KANSL1L: variants seen among roughly 807,000 people sequenced by gnomAD.
KANSL1L encodes KAT8 regulatory NSL complex subunit 1-like protein.
A neutral mutation model predicts 108.6 loss-of-function variants in KANSL1L; 25 were observed. That is an observed-to-expected ratio of 0.23 (90% confidence interval 0.17 to 0.32). The LOEUF (loss-of-function observed/expected upper bound fraction) is 0.32. Ranked by LOEUF, KANSL1L falls within the 10% of genes least tolerant of loss-of-function variation. The probability of loss-of-function intolerance (pLI) is 1.00; values close to 1 mark genes in which losing one functional copy is unlikely to be tolerated. For synonymous variants in KANSL1L, 405 were observed against 395.1 expected, an observed-to-expected ratio of 1.03 and a Z score of -0.30; for missense variants, 1,137 against 1,125.7, an observed-to-expected ratio of 1.01 and a Z score of -0.14.
At chr2:210,062,143 G>A (rs763822781) in intron 6 of KANSL1L, among the ~76,000 whole-genome samples, 3 of 152,106 alleles carry the variant, frequency 2.0e-5, no homozygotes, top group Non-Finnish European at 4.4e-5. Context: ...AGATGTAATC[G>A]AATCATGGGG....
intron 2 of KANSL1L, among the ~76,000 whole-genome samples, chr2:210,134,384 G>A (rs569734317): frequency 3.3e-5 from 5 of 151,884 alleles, no homozygotes; most frequent in East Asian, 1.9e-4. Flanking sequence ...ATTTTTCTCC[G>A]CTTCTTTGCA....
intron 5 of KANSL1L, among the ~76,000 whole-genome samples, chr2:210,077,912 ATCTTTGT>A (rs2094553602): frequency 6.6e-6 from 1 of 152,236 alleles, no homozygotes; most frequent in East Asian, 1.9e-4. Context: ...TGGAAAGCTT[ATCTTTGT>A]GTCACTAAAT....
At chr2:210,158,871 T>C (rs535751963) in intron 1 of KANSL1L, among the ~76,000 whole-genome samples, 2 of 152,332 alleles carry the variant, frequency 1.3e-5, no homozygotes, top group African/African-American at 2.4e-5. Context: ...TCTAGATATA[T>C]AATCATTTTA....
At chr2:210,027,145 C>G in intron 12 of KANSL1L, 151 bp downstream of exon 12, 1 of 553,762 alleles carries the variant, frequency 1.8e-6, no homozygotes, top group East Asian at 2.9e-5. Flanking sequence ...TTCGAATATT[C>G]TTTTAAAAGA....
Position 210,028,779 on chromosome 2 carries a change from C to T in KANSL1L, c.2396+66G>A, listed in dbSNP as rs539914365. ...GCTCCTTTCATTAATTAAAATTCTT[C>T]ACTTTGAAAATTTAAGTTTATTAGG... On this transcript the variant is annotated intron_variant, in intron 11 of 14. Transcript: ENST00000281772. 5.3e-4 allele frequency: 629 copies of T among 1,189,330 alleles called. 7 individuals are homozygous for T. The South Asian group carries it at 6.4e-3, about 12-fold the overall frequency. 73.7% of individuals were successfully genotyped at this position (1,189,330 alleles called of 1,614,324 possible).
chr2:210,155,259 A>C (rs1477366624), intron 1 of KANSL1L: 1 of 152,134 alleles, frequency 6.6e-6, no homozygotes, highest in Non-Finnish European at 1.5e-5. Flanking sequence ...TAAAAATATA[A>C]AAATTAGCCG....
At chr2:210,050,490 C>A (rs566480644) in intron 6 of KANSL1L, among the ~76,000 whole-genome samples, 3 of 152,032 alleles carry the variant, frequency 2.0e-5, no homozygotes, top group Non-Finnish European at 2.9e-5. Flanking sequence ...AAGCACTAGT[C>A]GTTAGATTGC....
chr2:210,056,188 G>T (rs2094348660), intron 6 of KANSL1L, among the ~76,000 whole-genome samples: 1 of 152,214 alleles, frequency 6.6e-6, no homozygotes, highest in Admixed American at 6.5e-5. Context: ...CAGCTTACGT[G>T]TGGTGTTGAG....
In KANSL1L at chr2:210,131,330, T is replaced by C. The variant is rs372631017; in HGVS notation, c.1089-2158A>G. 1.6e-3 allele frequency among the ~76,000 whole-genome samples: 250 copies of C among 152,244 alleles called. 12 individuals are homozygous for C. The South Asian group carries it at 0.05, about 30-fold the overall frequency. On this transcript the variant is annotated intron_variant, in intron 2 of 14. Transcript: ENST00000281772. ...AGACAAAGATATGTAGATAAAAGAA[T>C]GGATTCAAGGTTCATTTTAAAGTTG... is the stretch of plus-strand genomic sequence containing the variant.
At chr2:210,090,340 G>A (rs1043435119) in intron 5 of KANSL1L, among the ~76,000 whole-genome samples, 1 of 151,974 alleles carries the variant, frequency 6.6e-6, no homozygotes, top group African/African-American at 2.4e-5. Context: ...CATTTTAACA[G>A]GCCCAACATT....
Position 210,171,295 on chromosome 2 carries a change from G to GGCCGCCGCCGCC in KANSL1L, c.-188_-177dup, listed in dbSNP as rs66917529. 7.1e-5 allele frequency: 12 copies of GGCCGCCGCCGCC among 168,162 alleles called. No individual in the cohort carries two copies. The highest frequency in any genetic ancestry group is 3.5e-4 in the South Asian group (2 of 5,664). 10.4% of individuals were successfully genotyped at this position (168,162 alleles called of 1,614,324 possible). A position where few individuals can be genotyped will look rare whatever the true frequency, so the allele number is the denominator to read the frequency against. On this transcript the variant is annotated 5_prime_UTR_variant, in exon 1 of 15. Transcript: ENST00000281772. Reference sequence around the variant, plus strand: ...CCAGAGCGCGCCCCGCTCCCGCCCCGGCCGCCGCCGCCGCCGCCGCCGCCG... The same window carrying GGCCGCCGCCGCC: ...CCAGAGCGCGCCCCGCTCCCGCCCCGGCCGCCGCCGCCGCCGCCGCCGCCGCCGCCGCCGCCG...
At chr2:210,075,783 G>T in intron 5 of KANSL1L, 27 bp from the exon 6 acceptor site, 1 of 1,529,508 alleles carries the variant, frequency 6.5e-7, no homozygotes, top group Non-Finnish European at 9.0e-7. Flanking sequence ...TAATTAGGGC[G>T]TGGGAAGGGA....
chr2:210,171,660 GA>G (rs1330916293), upstream of KANSL1L: 138 of 145,456 alleles, frequency 9.5e-4, no homozygotes, highest in Non-Finnish European at 1.0e-3. Flanking sequence ...TGGCGAGGGG[GA>G]AAAAAAAAAA....
intron 1 of KANSL1L, among the ~76,000 whole-genome samples, chr2:210,156,586 T>C (rs868566890): frequency 9.2e-5 from 14 of 152,102 alleles, no homozygotes; most frequent in Middle Eastern, 6.8e-3. Context: ...TAGTACCATA[T>C]AAATATAACA....
At chr2:210,098,658 T>C (rs1175442522) in intron 4 of KANSL1L, among the ~76,000 whole-genome samples, 2 of 152,086 alleles carry the variant, frequency 1.3e-5, no homozygotes, top group African/African-American at 2.4e-5. Flanking sequence ...ATCACTATTA[T>C]TAATAACAGA....
intron 3 of KANSL1L, among the ~76,000 whole-genome samples, chr2:210,125,619 T>G (rs760071707): frequency 1.5e-4 from 23 of 152,192 alleles, no homozygotes; most frequent in Admixed American, 7.2e-4. Flanking sequence ...TTACAATCCA[T>G]GACTGAGTGA....
intron 3 of KANSL1L, among the ~76,000 whole-genome samples, chr2:210,119,098 C>T (rs1249304705): frequency 4.0e-5 from 6 of 151,850 alleles, no homozygotes; most frequent in Non-Finnish European, 8.8e-5. Context: ...GCAGGAGAAT[C>T]TCTTGAACCT....
intron 12 of KANSL1L, among the ~76,000 whole-genome samples, chr2:210,026,843 T>G (rs2093944130): frequency 6.6e-6 from 1 of 152,186 alleles, no homozygotes; most frequent in South Asian, 2.1e-4. Context: ...CGATCTCGGC[T>G]CATTGCAAGC....
intron 2 of KANSL1L, among the ~76,000 whole-genome samples, chr2:210,149,709 A>C (rs902255342): frequency 2.0e-5 from 3 of 152,022 alleles, no homozygotes; most frequent in Non-Finnish European, 4.4e-5. Context: ...ACACCAAAAG[A>C]TACAAATAAA....
Sources: allele counts gnomAD v4.1 joint callset (sites outside exome capture counted in the v4.1 genomes callset), GRCh38; gene constraint gnomAD v4.1.1; transcripts MANE v1.5; gene names NCBI Gene and HGNC (gene_info 2026-07-23, HGNC 2026-07-21).